The following ZNF385D variants were observed in gnomAD, a reference collection of about 807,000 sequenced individuals.
ZNF385D encodes the protein zinc finger protein 659.
ZNF385D carries 15 observed loss-of-function variants against 35.8 expected under a neutral mutation model. The ratio of observed to expected loss-of-function variants is 0.42; its 90% CI spans 0.28 to 0.64. ZNF385D has a LOEUF of 0.64. Among genes scored for constraint, ZNF385D ranks in the 30% least tolerant of loss-of-function variants. ZNF385D has a pLI of 0.23. For missense variants in ZNF385D, 474 were observed against 494.6 expected, an observed-to-expected ratio of 0.96 and a Z score of 0.39; for synonymous variants, 212 against 186.8, an observed-to-expected ratio of 1.13 and a Z score of -1.10.
intron 2 of ZNF385D, among the ~76,000 whole-genome samples, chr3:22,219,596 G>T (rs73038453): frequency 6.6e-6 from 1 of 152,018 alleles, no homozygotes; most frequent in Non-Finnish European, 1.5e-5. Flanking sequence ...TCTGAAACCC[G>T]TAGGACTAGA....
intron 3 of ZNF385D, among the ~76,000 whole-genome samples, chr3:21,533,491 T>A (rs1367226852): frequency 6.6e-6 from 1 of 152,124 alleles, no homozygotes; most frequent in African/African-American, 2.4e-5. Flanking sequence ...CTTTGGTGAA[T>A]GTCGATGGCA....
At chr3:21,511,649 G>C (rs1707215578) in intron 3 of ZNF385D, 6 of 455,274 alleles carry the variant, frequency 1.3e-5, no homozygotes, top group Admixed American at 7.1e-5. Flanking sequence ...GTTCAACTTA[G>C]TGTCATTTTT....
chr3:22,159,982 C>G (rs115619029), intron 3 of ZNF385D, among the ~76,000 whole-genome samples: 4 of 151,922 alleles, frequency 2.6e-5, no homozygotes, highest in Non-Finnish European at 2.9e-5. Flanking sequence ...ACAATCCCCA[C>G]GTGTCAAAGG....
At chr3:21,860,654 A>T (rs1391523810) in intron 3 of ZNF385D, among the ~76,000 whole-genome samples, 3 of 152,140 alleles carry the variant, frequency 2.0e-5, no homozygotes, top group Non-Finnish European at 2.9e-5. Flanking sequence ...CAGGTTTAAT[A>T]AAATCCTTTC....
intron 3 of ZNF385D, among the ~76,000 whole-genome samples, chr3:22,121,873 A>G (rs1310303943): frequency 6.6e-6 from 1 of 152,040 alleles, no homozygotes; most frequent in Non-Finnish European, 1.5e-5. Flanking sequence ...TTCCCTTTAC[A>G]TTTATCTAAC....
chr3:21,824,809 T>G (rs893052141), intron 3 of ZNF385D, among the ~76,000 whole-genome samples: 1 of 152,216 alleles, frequency 6.6e-6, no homozygotes, highest in African/African-American at 2.4e-5. Flanking sequence ...TAAGGTAAAC[T>G]ACAAATTATT....
In ZNF385D at chr3:21,836,246, A is replaced by C. The variant is rs9875339; in HGVS notation, c.326-171218T>G. On this transcript the variant is annotated intron_variant, in intron 3 of 5. Coordinates refer to the ZNF385D transcript ENST00000494108. ...AAGAGATATCAAGAGAAAAACATAA[A>C]TATGGAGGCGCATTAAATCATTTTC... 5.6e-3 allele frequency among the ~76,000 whole-genome samples: 851 copies of C among 152,228 alleles called. 11 individuals are homozygous for C. Among genetic ancestry groups the C allele is most frequent in the African/African-American group, 0.02 (813 of 41,554 alleles).
intron 3 of ZNF385D, among the ~76,000 whole-genome samples, chr3:21,805,883 T>G (rs867209235): frequency 3.3e-5 from 5 of 152,182 alleles, no homozygotes; most frequent in South Asian, 2.1e-4. Context: ...TAATTAGCAC[T>G]TGGCCAAAAT....
intron 3 of ZNF385D, among the ~76,000 whole-genome samples, chr3:21,532,260 G>C (rs765891728): frequency 6.6e-6 from 1 of 152,066 alleles, no homozygotes; most frequent in Non-Finnish European, 1.5e-5. Flanking sequence ...TCATGAGCTG[G>C]TGAATTAACC....
intron 3 of ZNF385D, among the ~76,000 whole-genome samples, chr3:21,549,052 C>T (rs2062479670): frequency 6.6e-6 from 1 of 152,136 alleles, no homozygotes; most frequent in Non-Finnish European, 1.5e-5. Flanking sequence ...ATGAATGTAT[C>T]TACTGGTCAC....
rs1279044957 is a variant in ZNF385D, at chr3:21,414,120, T to C, written c.*7094A>G. 1 of 152,088 alleles carries C rather than the reference T, an allele frequency of 6.6e-6. No individual in the cohort carries two copies. The highest frequency in any genetic ancestry group is 6.6e-5 in the Admixed American group (1 of 15,250). 9.4% of individuals were successfully genotyped at this position (152,088 alleles called of 1,614,324 possible). On this transcript the variant is annotated 3_prime_UTR_variant, in exon 8 of 8. Coordinates refer to ENST00000281523, the MANE Select transcript of ZNF385D (RefSeq NM_024697.3). The stretch of plus-strand genomic sequence containing the variant: ...ATTAGAAGAAATTATTGACTAAGTT[T>C]CATGTGCTAGGATATAACTTATTTT...
intron 3 of ZNF385D, among the ~76,000 whole-genome samples, chr3:21,837,584 G>T (rs376894088): frequency 7.9e-5 from 12 of 152,066 alleles, no homozygotes; most frequent in Admixed American, 5.2e-4. Flanking sequence ...GATTTAAAAG[G>T]TTGGAGAGGC....
chr3:22,183,959 A>G (rs1303116494), intron 2 of ZNF385D, among the ~76,000 whole-genome samples: 2 of 152,096 alleles, frequency 1.3e-5, no homozygotes, highest in Admixed American at 1.3e-4. Context: ...GTTAAGATTT[A>G]AGAAATGTAG....
chr3:21,487,116 C>A lies in ZNF385D; in HGVS notation c.439+23745G>T, dbSNP rs947694672. ...TGATTAGCTCTGCTATATACTTTCA[C>A]GCCATTAGAATAAGGCTTTTCATTC... On this transcript the variant is annotated intron_variant, in intron 4 of 7. Coordinates refer to ENST00000281523, the MANE Select transcript of ZNF385D (RefSeq NM_024697.3). Among the ~76,000 whole-genome samples, 8 of 152,054 alleles carry A rather than the reference C, an allele frequency of 5.3e-5. 1 individual carries two copies. Among genetic ancestry groups the A allele is most frequent in the Admixed American group, 4.6e-4 (7 of 15,240 alleles).
chr3:22,306,054 A>G (rs1703194481), intron 2 of ZNF385D, among the ~76,000 whole-genome samples: 1 of 152,130 alleles, frequency 6.6e-6, no homozygotes, highest in South Asian at 2.1e-4. Context: ...AAAAATGTCT[A>G]TAGCTTGTTT....
At chr3:21,634,327 G>T (rs2065365007) in intron 2 of ZNF385D, among the ~76,000 whole-genome samples, 1 of 149,698 alleles carries the variant, frequency 6.7e-6, no homozygotes, top group Non-Finnish European at 1.5e-5. Flanking sequence ...AAGGAAAGAG[G>T]AAGGAAGGGA....
intron 3 of ZNF385D, among the ~76,000 whole-genome samples, chr3:21,924,059 A>G (rs185729498): frequency 3.9e-5 from 6 of 152,286 alleles, no homozygotes; most frequent in Admixed American, 3.9e-4. Context: ...TTTGTGGTAA[A>G]AGCCAGAGCA....
At chr3:22,163,240 T>G (rs953792161) in intron 3 of ZNF385D, among the ~76,000 whole-genome samples, 6 of 152,154 alleles carry the variant, frequency 3.9e-5, no homozygotes, top group Non-Finnish European at 8.8e-5. Context: ...TTAGAGATTC[T>G]TGAATCACAC....
At chr3:21,837,785 T>C (rs1032660157) in intron 3 of ZNF385D, among the ~76,000 whole-genome samples, 2 of 151,630 alleles carry the variant, frequency 1.3e-5, no homozygotes, top group African/African-American at 4.9e-5. Flanking sequence ...GACAAGAGAA[T>C]TGCTTGAACC....
Sources: allele counts gnomAD v4.1 joint callset (sites outside exome capture counted in the v4.1 genomes callset), GRCh38; gene constraint gnomAD v4.1.1; transcripts MANE v1.5; gene names NCBI Gene and HGNC (gene_info 2026-07-23, HGNC 2026-07-21).